The following KALRN variants were observed in gnomAD, a reference collection of about 807,000 sequenced individuals.
The protein encoded by KALRN is kalirin RhoGEF kinase.
A neutral mutation model predicts 353.7 loss-of-function variants in KALRN; 70 were observed. The ratio of observed to expected loss-of-function variants is 0.20; its 90% CI spans 0.16 to 0.24. The LOEUF (loss-of-function observed/expected upper bound fraction) is 0.24. Among genes scored for constraint, KALRN ranks in the 10% least tolerant of loss-of-function variants. The pLI is 1.00. For missense variants in KALRN, 2,791 were observed against 3,756.7 expected (o/e 0.74, Z 6.72); for synonymous variants, 1,391 against 1,434.8 (o/e 0.97, Z 0.69).
At chr3:124,392,248 G>T (rs2150028906) in intron 11 of KALRN, among the ~76,000 whole-genome samples, 1 of 152,144 alleles carries the variant, frequency 6.6e-6, no homozygotes, top group Non-Finnish European at 1.5e-5. Flanking sequence ...TTTTTTTATA[G>T]ATGCTGGGTC....
At chr3:124,045,972 A>C (rs2040439015) in intron 1 of KALRN, among the ~76,000 whole-genome samples, 1 of 152,176 alleles carries the variant, frequency 6.6e-6, no homozygotes, top group Admixed American at 6.5e-5. Flanking sequence ...TTGGTAATAA[A>C]AGTAAGGAGA....
At chr3:124,140,377 A>G (rs1165448749) in intron 1 of KALRN, among the ~76,000 whole-genome samples, 1 of 152,242 alleles carries the variant, frequency 6.6e-6, no homozygotes, top group African/African-American at 2.4e-5. Context: ...TGCCACTGAC[A>G]AGCGAATAGA....
At chr3:124,671,566 C>T (rs2086454713) in intron 47 of KALRN, 94 bp from the exon 48 acceptor site, 1 of 796,844 alleles carries the variant, frequency 1.3e-6, no homozygotes, top group African/African-American at 1.7e-5. Flanking sequence ...CACTTATCCA[C>T]ACGATGCCTA....
intron 33 of KALRN, among the ~76,000 whole-genome samples, chr3:124,506,618 T>C (rs116829804): frequency 0.018 from 2,725 of 150,794 alleles, 81 homozygotes; most frequent in African/African-American, 0.059. Flanking sequence ...ATACATTGCT[T>C]TCTGCCCTGT....
chr3:124,426,076 C>T (rs1000918307), intron 15 of KALRN, among the ~76,000 whole-genome samples: 1 of 152,132 alleles, frequency 6.6e-6, no homozygotes, highest in Non-Finnish European at 1.5e-5. Flanking sequence ...GGGCAGTGGC[C>T]CTCGAGGTGC....
chr3:124,111,980 G>A (rs550662020), intron 1 of KALRN, among the ~76,000 whole-genome samples: 34 of 151,768 alleles, frequency 2.2e-4, no homozygotes, highest in African/African-American at 7.5e-4. Flanking sequence ...GAGGTGGGCT[G>A]CAGTTTGCAG....
chr3:124,221,454 T>C (rs1188697918), intron 1 of KALRN, among the ~76,000 whole-genome samples: 2 of 152,176 alleles, frequency 1.3e-5, no homozygotes, highest in Non-Finnish European at 2.9e-5. Context: ...CCTCAAGGCA[T>C]CAGGATCAGT....
At chr3:124,240,270 A>G (rs1032424212) in intron 3 of KALRN, among the ~76,000 whole-genome samples, 2 of 152,212 alleles carry the variant, frequency 1.3e-5, no homozygotes, top group Non-Finnish European at 2.9e-5. Context: ...GAGGCATCTT[A>G]GTCTAGATGG....
chr3:124,282,139 C>A lies in KALRN; in HGVS notation c.969+12884C>A, dbSNP rs141583750. Among the ~76,000 whole-genome samples the A allele has an allele frequency of 3.7e-4, 56 of 152,186 alleles. No individual in the cohort carries two copies. In the East Asian group the frequency reaches 0.01, roughly 27 times the overall value. ...GACACTCAAGGGAAGAAAATGAGAC[C>A]AGTGACTGGCTGGATGTCAGGGGGC... On this transcript the variant is annotated intron_variant, in intron 5 of 59. Transcript: ENST00000682506.
intron 18 of KALRN, among the ~76,000 whole-genome samples, chr3:124,440,988 C>T (rs2093649306): frequency 6.6e-6 from 1 of 151,978 alleles, no homozygotes; most frequent in South Asian, 2.1e-4. Flanking sequence ...CTCTCTCTGC[C>T]ACCCACAGCT....
intron 36 of KALRN, among the ~76,000 whole-genome samples, chr3:124,635,567 G>C: frequency 6.6e-6 from 1 of 152,132 alleles, no homozygotes; most frequent in East Asian, 1.9e-4. Context: ...ATGTTTGGGA[G>C]TGGGATGAAC....
At chr3:124,456,526 C>T (rs2059318090) in intron 22 of KALRN, 84 bp from the exon 23 acceptor site, 2 of 849,886 alleles carry the variant, frequency 2.4e-6, no homozygotes, top group African/African-American at 1.7e-5. Context: ...ATCTTTTTTT[C>T]CCCCTTTTAC....
At chr3:124,238,415 A>G (rs1229070812) in intron 3 of KALRN, among the ~76,000 whole-genome samples, 1 of 152,188 alleles carries the variant, frequency 6.6e-6, no homozygotes, top group South Asian at 2.1e-4. Context: ...ACTTCCTGTC[A>G]CTGGAGACCA....
chr3:124,639,380 T>G (rs2081752570), intron 37 of KALRN, among the ~76,000 whole-genome samples: 1 of 152,224 alleles, frequency 6.6e-6, no homozygotes, highest in East Asian at 1.9e-4. Flanking sequence ...TCGTAATGAT[T>G]TCATTTGCGT....
At chr3:124,549,921 AGT>A in intron 33 of KALRN, among the ~76,000 whole-genome samples, 1 of 152,116 alleles carries the variant, frequency 6.6e-6, no homozygotes, top group African/African-American at 2.4e-5. Context: ...TACACAGACA[AGT>A]AGTGGAAGCT....
chr3:124,619,832 C>T (rs905809428), intron 34 of KALRN, among the ~76,000 whole-genome samples: 2 of 151,796 alleles, frequency 1.3e-5, no homozygotes, highest in Non-Finnish European at 2.9e-5. Context: ...ATACTGTTTG[C>T]ATAATAGCTG....
At chr3:124,717,618 C>G (rs2063205575) in intron 59 of KALRN, among the ~76,000 whole-genome samples, 1 of 151,728 alleles carries the variant, frequency 6.6e-6, no homozygotes, top group Non-Finnish European at 1.5e-5. Context: ...ATGGCATGAA[C>G]CTGGGAGGCG....
At chr3:124,403,015 T>C (rs562069075) in intron 13 of KALRN, among the ~76,000 whole-genome samples, 2 of 152,330 alleles carry the variant, frequency 1.3e-5, no homozygotes, top group East Asian at 1.9e-4. Flanking sequence ...TAAAACTAGA[T>C]AGTAGATAAA....
chr3:124,556,180 T>C (rs1396638525), intron 33 of KALRN, among the ~76,000 whole-genome samples: 1 of 152,186 alleles, frequency 6.6e-6, no homozygotes, highest in Non-Finnish European at 1.5e-5. Flanking sequence ...CAGGGGACCA[T>C]GGTGCTCATT....
Sources: allele counts gnomAD v4.1 joint callset (sites outside exome capture counted in the v4.1 genomes callset), GRCh38; gene constraint gnomAD v4.1.1; transcripts MANE v1.5; gene names NCBI Gene and HGNC (gene_info 2026-07-23, HGNC 2026-07-21).